The following EYA2 variants were observed in gnomAD, a reference collection of about 807,000 sequenced individuals.
EYA2 encodes the protein protein phosphatase EYA2.
Under a neutral mutation model 69.2 loss-of-function variants are expected in EYA2, and 31 were observed. That is an observed-to-expected ratio of 0.45 (90% CI 0.34 to 0.60). EYA2 has a LOEUF of 0.60. Ranked by LOEUF, EYA2 falls within the 20% of genes least tolerant of loss-of-function variation. EYA2 has a pLI of 0.02. For synonymous variants in EYA2, 257 were observed against 279.4 expected, an observed-to-expected ratio of 0.92 and a Z score of 0.80; for missense variants, 622 against 701.2, an observed-to-expected ratio of 0.89 and a Z score of 1.28.
chr20:46,898,284 G>GT (rs1178804653), intron 1 of EYA2, among the ~76,000 whole-genome samples: 26 of 112,088 alleles, frequency 2.3e-4, no homozygotes, highest in Non-Finnish European at 3.3e-4. Flanking sequence ...TTTTGTTTTT[G>GT]TTTTTTTTAG....
intron 2 of EYA2, among the ~76,000 whole-genome samples, chr20:47,000,080 G>T (rs1982263802): frequency 6.6e-6 from 1 of 152,202 alleles, no homozygotes; most frequent in African/African-American, 2.4e-5. Context: ...CGTACTTCCT[G>T]TGTGGCCCTG....
intron 1 of EYA2, among the ~76,000 whole-genome samples, chr20:46,897,030 A>G (rs1209737092): frequency 6.6e-6 from 1 of 152,052 alleles, no homozygotes; most frequent in African/African-American, 2.4e-5. Flanking sequence ...AAAAGTTTTC[A>G]TCACGTAAGT....
At position 47,188,291 on chromosome 20, in the gene EYA2, A is replaced by C. The variant is rs1179871326; in HGVS notation, c.*158A>C. 1 of 664,086 alleles carries C rather than the reference A, an allele frequency of 1.5e-6. No homozygotes were observed. Among genetic ancestry groups the C allele is most frequent in the Non-Finnish European group, 2.6e-6 (1 of 378,966 alleles). 41.1% of individuals were successfully genotyped at this position (664,086 alleles called of 1,614,324 possible). A position where few individuals can be genotyped will look rare whatever the true frequency, so the allele number is the denominator to read the frequency against. The stretch of plus-strand genomic sequence containing the variant: ...GTGACCATCTCAGAAGCCGTCCATC[A>C]GTCCAAATGGGGGTTCTGAGAAGGA... On this transcript the variant is annotated 3_prime_UTR_variant, in exon 16 of 16. Transcript: ENST00000327619.
chr20:47,136,951 C>T (rs1026555145), intron 9 of EYA2, among the ~76,000 whole-genome samples: 12 of 152,060 alleles, frequency 7.9e-5, no homozygotes, highest in Non-Finnish European at 1.3e-4. Flanking sequence ...AGAAAATCTA[C>T]AGCGTCTTTG....
chr20:46,974,827 C>G (rs900826192), intron 1 of EYA2, among the ~76,000 whole-genome samples: 1 of 152,036 alleles, frequency 6.6e-6, no homozygotes, highest in African/African-American at 2.4e-5. Context: ...CTGAACCCAA[C>G]CAGGAATCAA....
intron 13 of EYA2, 87 bp from the exon 14 acceptor site, chr20:47,180,728 T>A: frequency 6.6e-7 from 1 of 1,521,980 alleles, no homozygotes; most frequent in East Asian, 2.3e-5. Context: ...CTACCAGATT[T>A]CCCGCCAACT....
At chr20:47,012,064 T>A (rs896902777) in intron 4 of EYA2, among the ~76,000 whole-genome samples, 1 of 152,216 alleles carries the variant, frequency 6.6e-6, no homozygotes, top group African/African-American at 2.4e-5. Flanking sequence ...CGCTACAGTA[T>A]CTGTAGCATC....
intron 9 of EYA2, among the ~76,000 whole-genome samples, chr20:47,097,966 C>A (rs1057231463): frequency 6.6e-6 from 1 of 152,150 alleles, no homozygotes; most frequent in Non-Finnish European, 1.5e-5. Flanking sequence ...TGGGTAGGAA[C>A]CTTGAGACTT....
At chr20:47,113,073 A>G (rs745938101) in intron 9 of EYA2, among the ~76,000 whole-genome samples, 23 of 151,672 alleles carry the variant, frequency 1.5e-4, no homozygotes, top group Non-Finnish European at 3.2e-4. Flanking sequence ...GGGTTTCACC[A>G]TGTTGACCGG....
chr20:47,076,740 A>T (rs998657025), intron 7 of EYA2, among the ~76,000 whole-genome samples: 6 of 152,144 alleles, frequency 3.9e-5, no homozygotes, highest in Admixed American at 6.6e-5. Flanking sequence ...TTCCAATGAC[A>T]ATGTTGAGAC....
intron 5 of EYA2, among the ~76,000 whole-genome samples, chr20:47,057,927 C>T (rs1483758744): frequency 6.6e-6 from 1 of 152,230 alleles, no homozygotes; most frequent in Admixed American, 6.5e-5. Context: ...GGAGGGCCTG[C>T]TTCCTAGGGC....
chr20:46,922,104 T>C (rs890701710), intron 1 of EYA2, among the ~76,000 whole-genome samples: 1 of 152,236 alleles, frequency 6.6e-6, no homozygotes, highest in Non-Finnish European at 1.5e-5. Context: ...CTGCGTTTCC[T>C]AACACCTGTT....
rs922861906 is a variant in EYA2, at chr20:47,168,269, A to G, written c.979-870A>G. On this transcript the variant is annotated intron_variant, in intron 10 of 15. Coordinates refer to ENST00000327619, the MANE Select transcript of EYA2 (RefSeq NM_005244.5). Reference sequence around the variant, plus strand: ...CACAGTGGCGCGATCTCGGCTCACTACAACCTCCACTTGCTGGGTTCAAGC... The same window carrying G: ...CACAGTGGCGCGATCTCGGCTCACTGCAACCTCCACTTGCTGGGTTCAAGC... Among the ~76,000 whole-genome samples, 31 of 151,724 alleles carry G rather than the reference A, an allele frequency of 2.0e-4. 1 individual carries two copies. The highest frequency in any genetic ancestry group is 8.8e-5 in the Non-Finnish European group (6 of 67,950).
chr20:47,079,657 G>A (rs1047201955), intron 7 of EYA2, among the ~76,000 whole-genome samples: 1 of 152,158 alleles, frequency 6.6e-6, no homozygotes, highest in Non-Finnish European at 1.5e-5. Flanking sequence ...GAAACAACCT[G>A]GATACCATGC....
chr20:47,106,361 G>T (rs1030900977), intron 9 of EYA2, among the ~76,000 whole-genome samples: 1 of 152,182 alleles, frequency 6.6e-6, no homozygotes, highest in Non-Finnish European at 1.5e-5. Context: ...TATTTTAAGT[G>T]TTAGTAGCAG....
chr20:47,148,226 G>T (rs2033748204), intron 10 of EYA2, among the ~76,000 whole-genome samples: 1 of 152,132 alleles, frequency 6.6e-6, no homozygotes, highest in African/African-American at 2.4e-5. Flanking sequence ...ACCTGGGCAA[G>T]TCTCTCCATC....
chr20:47,120,072 G>A (rs746826910), intron 9 of EYA2, among the ~76,000 whole-genome samples: 2 of 152,182 alleles, frequency 1.3e-5, no homozygotes, highest in African/African-American at 2.4e-5. Flanking sequence ...CCGGGGCATG[G>A]TGGCACACAC....
At chr20:46,938,002 T>G (rs953139653) in intron 1 of EYA2, among the ~76,000 whole-genome samples, 4 of 152,164 alleles carry the variant, frequency 2.6e-5, no homozygotes, top group Admixed American at 2.6e-4. Context: ...AGATCGATCT[T>G]ATCTTATCCC....
At chr20:47,096,524 T>C (rs981756528) in intron 8 of EYA2, among the ~76,000 whole-genome samples, 4 of 152,096 alleles carry the variant, frequency 2.6e-5, no homozygotes, top group African/African-American at 4.8e-5. Flanking sequence ...CCAAGGAGAA[T>C]TGGAATAGAG....
Sources: gnomAD v4.1 joint callset for allele counts (sites outside exome capture counted in the v4.1 genomes callset) on GRCh38, gnomAD v4.1.1 for gene constraint, MANE v1.5 for transcripts, NCBI Gene and HGNC (gene_info 2026-07-23, HGNC 2026-07-21) for gene names.